The following NAALADL1 variants were observed in gnomAD, a reference collection of about 807,000 sequenced individuals.
The protein encoded by NAALADL1 is N-acetylated alpha-linked acidic dipeptidase like 1, also known as aminopeptidase NAALADL1.
A neutral mutation model predicts 82.8 loss-of-function variants in NAALADL1; 77 were observed. That is an observed-to-expected ratio of 0.93 (90% CI 0.77 to 1.12). The LOEUF is 1.12. NAALADL1 is among the 50% of genes most tolerant of loss of function. The probability of loss-of-function intolerance (pLI) is 0.00; values close to 1 mark genes in which losing one functional copy is unlikely to be tolerated. For missense variants in NAALADL1, 956 were observed against 964.0 expected (o/e 0.99, Z 0.11); for synonymous variants, 358 against 399.2 (o/e 0.90, Z 1.23).
chr11:65,050,435 GCCA>G (rs1565229464), intron 8 of NAALADL1, among the ~76,000 whole-genome samples: 1 of 150,622 alleles, frequency 6.6e-6, no homozygotes, highest in Non-Finnish European at 1.5e-5. Flanking sequence ...CCGAGATGGC[GCCA>G]CTGCACTCCA....
chr11:65,058,495 C>G lies in NAALADL1; in HGVS notation c.27G>C (p.Leu9=), dbSNP rs138129744. Residue 9 remains leucine, a synonymous_variant, in exon 1 of 18, where the codon CTG becomes CTC. Coordinates refer to ENST00000358658, the MANE Select transcript of NAALADL1 (RefSeq NM_005468.3). ...CCAAGAGGGCAGCAGCCCCCAGCCC[C>G]AGCCCCAACACCTTCGTCCACTGCA... MQWTKVLG[L]GLGAAALLGL... 28 of 1,608,170 alleles carry G rather than the reference C, an allele frequency of 1.7e-5. No homozygotes were observed. Among genetic ancestry groups the G allele is most frequent in the Non-Finnish European group, 7.6e-6 (9 of 1,177,208 alleles).
chr11:65,054,462 G>A lies in NAALADL1; in HGVS notation c.880C>T (p.Leu294=). The A allele has an allele frequency of 6.2e-7, 1 of 1,614,144 alleles. No individual in the cohort carries two copies. The highest frequency in any genetic ancestry group is 1.1e-5 in the South Asian group (1 of 91,078). The change falls in exon 5 of 18, where the codon CTG becomes TTG. Residue 294 remains leucine (L), a synonymous_variant. Transcript: ENST00000358658. The surrounding 1 kb of genome is among the most constrained non-coding windows in gnomAD (Gnocchi z 4.3). ...CCCAGGGCACAAACTCACCAGAGCA[G>A]GTCTCTTGCATCCTGGAAGCCAATG... ...QPIGFQDARD[L]LCNLNGTLAP...
In NAALADL1 at chr11:65,053,618, C is replaced by T; in HGVS notation, c.993-42G>A. The T allele has an allele frequency of 1.3e-6, 2 of 1,525,516 alleles. No homozygotes were observed. The highest frequency in any genetic ancestry group is 1.8e-6 in the Non-Finnish European group (2 of 1,126,506). 94.5% of individuals were successfully genotyped at this position (1,525,516 alleles called of 1,614,324 possible). A position where few individuals can be genotyped will look rare whatever the true frequency, so the allele number is the denominator to read the frequency against. ...GTGTGAGAAGACTCTTGGCCTTGCC[C>T]ACTGCCCCCGACCCAGTGCAGGAGA... On this transcript the variant is annotated intron_variant, in intron 6 of 17. Transcript: ENST00000358658. This position sits in a 1 kb window ranked among gnomAD's most constrained non-coding sequence, Gnocchi z 4.3.
chr11:65,054,426 G>A lies in NAALADL1; in HGVS notation c.887+29C>T. 6.2e-7 allele frequency: 1 copy of A among 1,612,986 alleles called. No individual in the cohort carries two copies. Among genetic ancestry groups the A allele is most frequent in the African/African-American group, 1.3e-5 (1 of 74,988 alleles). On this transcript the variant is annotated intron_variant, in intron 5 of 17. Transcript: ENST00000358658. This position sits in a 1 kb window ranked among gnomAD's most constrained non-coding sequence, Gnocchi z 4.3. ...TTGAAGTCTGGAGGCCACTGGGGCTGGGCAGGACACCCCAGGGCACAAACT... is the reference window on the plus strand; with the variant it reads ...TTGAAGTCTGGAGGCCACTGGGGCTAGGCAGGACACCCCAGGGCACAAACT...
Position 65,053,536 on chromosome 11 carries a change from T to A in NAALADL1, c.1033A>T (p.Asn345Tyr). The change falls in exon 7 of 18, where the codon AAC becomes TAC. Residue 345 changes from asparagine to tyrosine, a missense_variant. Physicochemically the swap from Asn to Tyr is moderately radical, Grantham distance 143. Coordinates refer to ENST00000358658, the MANE Select transcript of NAALADL1 (RefSeq NM_005468.3). The surrounding 1 kb of genome is among the most constrained non-coding windows in gnomAD (Gnocchi z 4.3). ...ATGATGCCCAGGACGTTGGAAGAGTTCCTCAGCTCCAGGCGGTTGTAGACG... is the reference window on the plus strand; with the variant it reads ...ATGATGCCCAGGACGTTGGAAGAGTACCTCAGCTCCAGGCGGTTGTAGACG... ...VSVYNRLELRNSSNVLGIIRG... is the reference protein window; with the variant it reads ...VSVYNRLELRYSSNVLGIIRG... 6.2e-7 allele frequency: 1 copy of A among 1,612,396 alleles called. No individual in the cohort carries two copies. Among genetic ancestry groups the A allele is most frequent in the African/African-American group, 1.3e-5 (1 of 74,812 alleles).
In NAALADL1 at chr11:65,044,989, G is replaced by T; in HGVS notation, c.*282C>A. The T allele has an allele frequency of 1.6e-6, 1 of 610,998 alleles. No homozygotes were observed. Among genetic ancestry groups the T allele is most frequent in the South Asian group, 2.1e-5 (1 of 48,094 alleles). The allele number at this position is 610,998 out of a possible 1,614,324, so 37.8% of individuals were successfully genotyped here. Reference sequence around the variant, plus strand: ...TGACCTGAGTTGGCATCTGAGGTTGGCACGCATCCCATCTCCACCCACCTG... The same window carrying T: ...TGACCTGAGTTGGCATCTGAGGTTGTCACGCATCCCATCTCCACCCACCTG... On this transcript the variant is annotated 3_prime_UTR_variant, in exon 18 of 18. Coordinates refer to ENST00000358658, the MANE Select transcript of NAALADL1 (RefSeq NM_005468.3). The surrounding 1 kb of genome is among the most constrained non-coding windows in gnomAD (Gnocchi z 4.0).
intron 11 of NAALADL1, 74 bp downstream of exon 11, chr11:65,047,903 GCCCA>G: frequency 3.0e-6 from 1 of 328,570 alleles, no homozygotes; most frequent in Non-Finnish European, 4.8e-6. Context: ...CCCCAGCCCC[GCCCA>G]CCCGTAGCGG....
rs1376817583 is a variant in NAALADL1 at position 65,056,250 on chromosome 11, GTGGCA to G, written c.603+1116_603+1120del. On this transcript the variant is annotated intron_variant, in intron 4 of 17. Transcript: ENST00000358658. ...CTTAGCATGTGGAGTATGCAGTTCA[GTGGCA>G]TTCAGTACATCCATATTGTGCAACA... Among the ~76,000 whole-genome samples, 19 of 152,252 alleles carry G rather than the reference GTGGCA, an allele frequency of 1.2e-4. No homozygotes were observed. The Middle Eastern group carries it at 0.01, about 82-fold the overall frequency.
At chr11:65,048,251 T>C in intron 9 of NAALADL1, 36 bp from the exon 10 acceptor site, 1 of 1,614,094 alleles carries the variant, frequency 6.2e-7, no homozygotes, top group Non-Finnish European at 8.5e-7. Flanking sequence ...CCCCGCGCCG[T>C]TCTGTCCTGG....
chr11:65,050,360 C>T (rs1005202478), intron 8 of NAALADL1, among the ~76,000 whole-genome samples: 3 of 151,474 alleles, frequency 2.0e-5, no homozygotes, highest in Non-Finnish European at 2.9e-5. Context: ...TGCCTGTAGT[C>T]CCAGCTACTC....
chr11:65,047,681 TGAAGTACCG>T lies in NAALADL1; in HGVS notation c.1465_1473del (p.Arg489_Phe491del), dbSNP rs907009909. The T allele has an allele frequency of 3.1e-6, 5 of 1,608,046 alleles. No individual in the cohort carries two copies. The highest frequency in any genetic ancestry group is 1.6e-4 in the Middle Eastern group (1 of 6,074). On this transcript the variant is annotated inframe_deletion, in exon 12 of 18. Coordinates refer to ENST00000358658, the MANE Select transcript of NAALADL1 (RefSeq NM_005468.3). The stretch of plus-strand genomic sequence containing the variant: ...AGGCCGTACACCGGGCTGCTGCGGT[TGAAGTACCG>T]GATCCAGTTGTCGTAGATGCTCAGG...
rs1220383106 is a variant in NAALADL1, at chr11:65,048,279, C to CA, written c.1284+20_1284+21insT. 2.5e-6 allele frequency: 4 copies of CA among 1,614,182 alleles called. No homozygotes were observed. In the South Asian group the frequency reaches 4.4e-5, roughly 18 times the overall value. On this transcript the variant is annotated intron_variant, in intron 9 of 17. Coordinates refer to ENST00000358658, the MANE Select transcript of NAALADL1 (RefSeq NM_005468.3). ...TGTCCTGGGAACCCCTTTCGATCCC[C>CA]TACCCTGTAGGGCCACTCACTTCTG...
upstream of NAALADL1, among the ~76,000 whole-genome samples, chr11:65,061,072 A>G (rs1421084095): frequency 6.6e-6 from 1 of 152,118 alleles, no homozygotes; most frequent in African/African-American, 2.4e-5. Context: ...GGTCACATCC[A>G]CTGGGAAAAC....
At chr11:65,052,290 C>A (rs548195865) in intron 8 of NAALADL1, among the ~76,000 whole-genome samples, 1 of 151,982 alleles carries the variant, frequency 6.6e-6, no homozygotes, top group Non-Finnish European at 1.5e-5. Flanking sequence ...GCCTGGCCCC[C>A]CTATGTGGAG....
At chr11:65,060,926 G>A (rs1947179620), upstream of NAALADL1, among the ~76,000 whole-genome samples, 1 of 152,062 alleles carries the variant, frequency 6.6e-6, no homozygotes. Flanking sequence ...GCAATGCACT[G>A]CTGCTGGCTC....
Position 65,052,680 on chromosome 11 carries a change from A to G in NAALADL1, c.1198+538T>C, listed in dbSNP as rs117046884. ...GTGAAATCCTTCACCGGCTTCCCAC[A>G]ACCCTTGGACTGAACTCCAAACTCC... On this transcript the variant is annotated intron_variant, in intron 8 of 17. Coordinates refer to ENST00000358658, the MANE Select transcript of NAALADL1 (RefSeq NM_005468.3). Among the ~76,000 whole-genome samples the G allele has an allele frequency of 1.1e-3, 174 of 152,112 alleles. 5 individuals are homozygous for G. The East Asian group carries it at 0.029, about 26-fold the overall frequency.
chr11:65,045,878 C>T lies in NAALADL1; in HGVS notation c.1980G>A (p.Met660Ile), dbSNP rs376939184. The change falls in exon 17 of 18, where the codon ATG (methionine) becomes ATA (isoleucine). Residue 660 changes from methionine to isoleucine, a missense_variant. Physicochemically the swap from Met to Ile is conservative, Grantham distance 10. Coordinates refer to ENST00000358658, the MANE Select transcript of NAALADL1 (RefSeq NM_005468.3). Reference sequence around the variant, plus strand: ...GGTTCAGAAAGGTCCGTTCCAAGAGCATCAACTGGTCATTGAGCATCCGGA... The same window carrying T: ...GGTTCAGAAAGGTCCGTTCCAAGAGTATCAACTGGTCATTGAGCATCCGGA... ...LQVRMLNDQL[M>I]LLERTFLNPR... The T allele has an allele frequency of 5.0e-6, 8 of 1,614,182 alleles. No homozygotes were observed. The highest frequency in any genetic ancestry group is 3.3e-4 in the Middle Eastern group (2 of 6,046).
intron 4 of NAALADL1, among the ~76,000 whole-genome samples, chr11:65,056,920 T>A (rs1189609739): frequency 2.0e-5 from 3 of 152,198 alleles, no homozygotes; most frequent in Non-Finnish European, 2.9e-5. Flanking sequence ...TTTCACCATG[T>A]TGGCCAGGCT....
intron 8 of NAALADL1, among the ~76,000 whole-genome samples, chr11:65,049,578 A>C (rs1298803670): frequency 6.6e-6 from 1 of 152,194 alleles, no homozygotes; most frequent in African/African-American, 2.4e-5. Context: ...TTATTTTGCT[A>C]TCAAGGTCAT....
Sources: gnomAD v4.1 joint callset for allele counts (sites outside exome capture counted in the v4.1 genomes callset) on GRCh38, gnomAD v4.1.1 for gene constraint, Gnocchi (gnomAD v3.1) non-coding constraint, MANE v1.5 for transcripts, NCBI Gene and HGNC (gene_info 2026-07-23, HGNC 2026-07-21) for gene names.